SLC24A2: variants seen among roughly 807,000 people sequenced by gnomAD.
SLC24A2 encodes sodium/potassium/calcium exchanger 2.
In SLC24A2, 36 loss-of-function variants were observed where a neutral mutation model predicts 62.0. That is an observed-to-expected ratio of 0.58 (90% CI 0.44 to 0.77). SLC24A2 has a LOEUF of 0.77. Among genes scored for constraint, SLC24A2 ranks in the 30% least tolerant of loss-of-function variants. The pLI, the probability that SLC24A2 is intolerant of heterozygous loss-of-function variation, is 0.00. For synonymous variants in SLC24A2, 358 were observed against 294.0 expected, an observed-to-expected ratio of 1.22 and a Z score of -2.23; for missense variants, 846 against 817.9, an observed-to-expected ratio of 1.03 and a Z score of -0.42.
the SLC24A2 span, among the ~76,000 whole-genome samples, chr9:19,883,721 A>T: frequency 6.6e-6 from 1 of 152,194 alleles, no homozygotes; most frequent in South Asian, 2.1e-4. Flanking sequence ...GCCCGCCACC[A>T]TGCCTGGCGA....
At chr9:20,017,489 G>C in the SLC24A2 span, among the ~76,000 whole-genome samples, 1 of 152,098 alleles carries the variant, frequency 6.6e-6, no homozygotes, top group Non-Finnish European at 1.5e-5. Context: ...TCTCTAAAGG[G>C]ACAGAACTAA....
intron 2 of SLC24A2, among the ~76,000 whole-genome samples, chr9:19,671,580 C>CTT (rs1819417204): frequency 6.6e-6 from 1 of 152,084 alleles, no homozygotes; most frequent in Non-Finnish European, 1.5e-5. Flanking sequence ...GGCTAGGTCT[C>CTT]CCAGCACCAT....
At chr9:20,302,576 T>G in the SLC24A2 span, among the ~76,000 whole-genome samples, 1 of 152,246 alleles carries the variant, frequency 6.6e-6, no homozygotes, top group Non-Finnish European at 1.5e-5. Context: ...CTAATCAGGT[T>G]ATTTTCATAT....
intron 4 of SLC24A2, among the ~76,000 whole-genome samples, chr9:19,604,713 G>A (rs992936806): frequency 2.2e-4 from 33 of 152,064 alleles, no homozygotes; most frequent in African/African-American, 8.0e-4. Context: ...GAGGGCAAGG[G>A]AATTTGAGAA....
At chr9:19,519,349 TTGTGTGTGTGTGTG>T (rs10640008) in intron 10 of SLC24A2, among the ~76,000 whole-genome samples, 1 of 147,582 alleles carries the variant, frequency 6.8e-6, no homozygotes, top group African/African-American at 2.5e-5. Flanking sequence ...TTAAACTTCC[TTGTGTGTGTGTGTG>T]TGTGTGTGTG....
At chr9:20,144,274 GTACAA>G in the SLC24A2 span, among the ~76,000 whole-genome samples, 1 of 152,148 alleles carries the variant, frequency 6.6e-6, no homozygotes, top group Non-Finnish European at 1.5e-5. Context: ...AATGTAAACT[GTACAA>G]TAATTTTTTT....
the SLC24A2 span, among the ~76,000 whole-genome samples, chr9:20,256,075 C>T: frequency 7.2e-5 from 11 of 152,140 alleles, no homozygotes; most frequent in Admixed American, 3.9e-4. Context: ...GGATTCTGAA[C>T]TCATCCTTTC....
chr9:20,086,800 G>T, the SLC24A2 span, among the ~76,000 whole-genome samples: 3 of 152,102 alleles, frequency 2.0e-5, no homozygotes, highest in Non-Finnish European at 4.4e-5. Context: ...GTTCCTGCCC[G>T]TGAGAACCTT....
chr9:19,677,863 G>A (rs1819605347), intron 2 of SLC24A2, among the ~76,000 whole-genome samples: 1 of 150,132 alleles, frequency 6.7e-6, no homozygotes, highest in Admixed American at 6.7e-5. Flanking sequence ...ATTAATATAA[G>A]CAAATACATA....
the SLC24A2 span, among the ~76,000 whole-genome samples, chr9:20,192,708 C>T: frequency 6.6e-6 from 1 of 152,138 alleles, no homozygotes; most frequent in African/African-American, 2.4e-5. Context: ...GGGGGCTGCT[C>T]ATCAGACAAA....
At chr9:19,830,412 T>G in the SLC24A2 span, among the ~76,000 whole-genome samples, 280 of 152,332 alleles carry the variant, frequency 1.8e-3, 1 homozygote, top group African/African-American at 6.0e-3. Flanking sequence ...ATTTGTTAGA[T>G]TCTCACCATA....
chr9:19,651,873 C>A lies in SLC24A2; in HGVS notation c.931-29574G>T, dbSNP rs76796001. Among the ~76,000 whole-genome samples the A allele has an allele frequency of 6.3e-3, 967 of 152,306 alleles. 14 individuals are homozygous for A. The highest frequency in any genetic ancestry group is 0.022 in the African/African-American group (925 of 41,566). The stretch of plus-strand genomic sequence containing the variant: ...TGACATGCGCCGCAGGCTTCAGCAG[C>A]TGCGCTCTTATAACTCAGTTTTCAT... On this transcript the variant is annotated intron_variant, in intron 2 of 10. Transcript: ENST00000341998.
chr9:19,935,599 G>C, the SLC24A2 span, among the ~76,000 whole-genome samples: 1 of 152,244 alleles, frequency 6.6e-6, no homozygotes, highest in Admixed American at 6.5e-5. Context: ...CCTTGTGTGT[G>C]TCCTCAGGAC....
chr9:20,091,373 A>G, the SLC24A2 span, among the ~76,000 whole-genome samples: 4 of 152,122 alleles, frequency 2.6e-5, no homozygotes, highest in African/African-American at 9.7e-5. Flanking sequence ...GCAAGATTCT[A>G]TATAAGAAGA....
intron 2 of SLC24A2, among the ~76,000 whole-genome samples, chr9:19,716,526 G>T (rs1820865138): frequency 1.3e-5 from 2 of 152,202 alleles, no homozygotes; most frequent in African/African-American, 2.4e-5. Context: ...TCCCAGGGGA[G>T]ATCTGATTTA....
At chr9:19,977,564 C>T in the SLC24A2 span, among the ~76,000 whole-genome samples, 2 of 152,148 alleles carry the variant, frequency 1.3e-5, no homozygotes, top group Non-Finnish European at 2.9e-5. Flanking sequence ...TCTGGACACT[C>T]TTCTGAAATA....
intron 2 of SLC24A2, among the ~76,000 whole-genome samples, chr9:19,631,063 T>A (rs117636125): frequency 2.3e-3 from 352 of 152,306 alleles, no homozygotes; most frequent in Non-Finnish European, 4.4e-3. Flanking sequence ...GTATTATTTG[T>A]CTCATCTCTC....
chr9:20,178,083 G>A, the SLC24A2 span, among the ~76,000 whole-genome samples: 1 of 152,088 alleles, frequency 6.6e-6, no homozygotes, highest in South Asian at 2.1e-4. Context: ...GATTGATAAG[G>A]TTCAGTTTGT....
chr9:19,521,059 A>T lies in SLC24A2; in HGVS notation c.1571T>A (p.Val524Asp). 6.2e-7 allele frequency: 1 copy of T among 1,614,004 alleles called. No homozygotes were observed. The highest frequency in any genetic ancestry group is 8.5e-7 in the Non-Finnish European group (1 of 1,179,918). Residue 524 changes from valine (V) to aspartate (D), a missense_variant and splice_region_variant, in exon 10 of 11, where the codon GTT becomes GAT. Coordinates refer to ENST00000341998, the MANE Select transcript of SLC24A2 (RefSeq NM_020344.4). ...SYLMVWWAHQ[V>D]GETIGISEEI... ...TTCACTGATGCCAATTGTCTCTCCA[A>T]CCTAAATGTCAGGACAGGAATAAAC...
Sources: gnomAD v4.1 joint callset for allele counts (sites outside exome capture counted in the v4.1 genomes callset) on GRCh38, gnomAD v4.1.1 for gene constraint, MANE v1.5 for transcripts, NCBI Gene and HGNC (gene_info 2026-07-23, HGNC 2026-07-21) for gene names.